SERBP1: variants seen among roughly 807,000 people sequenced by gnomAD.
SERBP1 encodes SERPINE1 mRNA-binding protein 1.
Under a neutral mutation model 50.2 loss-of-function variants are expected in SERBP1, and 6 were observed. The ratio of observed to expected loss-of-function variants is 0.12; its 90% confidence interval spans 0.07 to 0.24. SERBP1 has a LOEUF of 0.24. Ranked by LOEUF, SERBP1 falls within the 10% of genes least tolerant of loss-of-function variation. The pLI, the probability that SERBP1 is intolerant of heterozygous loss-of-function variation, is 1.00. For missense variants in SERBP1, 346 were observed against 524.9 expected (o/e 0.66, Z 3.33); for synonymous variants, 168 against 182.8 (o/e 0.92, Z 0.65).
intron 5 of SERBP1, among the ~76,000 whole-genome samples, chr1:67,422,659 C>A (rs58279318): frequency 6.6e-6 from 1 of 151,842 alleles, no homozygotes; most frequent in East Asian, 1.9e-4. Context: ...AAATAACTGG[C>A]AAAGTAAACA....
rs1666783163 is a variant in SERBP1 at position 67,410,253 on chromosome 1, TTGCAC to T, written c.*2949_*2953del. On this transcript the variant is annotated 3_prime_UTR_variant, in exon 8 of 8. Coordinates refer to ENST00000361219, the MANE Select transcript of SERBP1 (RefSeq NM_001018069.2). Reference sequence around the variant, plus strand: ...ACATGTTAGGTTGGTACAAAACCAATTGCACCAACCTAGTATTTTCGAAATCCAAT... The same window carrying T: ...ACATGTTAGGTTGGTACAAAACCAATCAACCTAGTATTTTCGAAATCCAAT... 6.6e-6 allele frequency: 1 copy of T among 152,202 alleles called. No individual in the cohort carries two copies. The highest frequency in any genetic ancestry group is 2.4e-5 in the African/African-American group (1 of 41,450). The allele number at this position is 152,202 out of a possible 1,614,324, so 9.4% of individuals were successfully genotyped here. A position where few individuals can be genotyped will look rare whatever the true frequency, so the allele number is the denominator to read the frequency against.
In SERBP1 at chr1:67,412,440, T is replaced by C. The variant is rs1666874174; in HGVS notation, c.*767A>G. 6.6e-6 allele frequency: 1 copy of C among 152,584 alleles called. No individual in the cohort carries two copies. Among genetic ancestry groups the C allele is most frequent in the Admixed American group, 6.5e-5 (1 of 15,282 alleles). The allele number at this position is 152,584 out of a possible 1,614,324, so 9.5% of individuals were successfully genotyped here. ...CTTTCACCAATTAAGATGTCTAGTTTAGATTTTAAAATGGGAAACTCAAGC... is the reference window on the plus strand; with the variant it reads ...CTTTCACCAATTAAGATGTCTAGTTCAGATTTTAAAATGGGAAACTCAAGC... On this transcript the variant is annotated 3_prime_UTR_variant, in exon 8 of 8. Coordinates refer to ENST00000361219, the MANE Select transcript of SERBP1 (RefSeq NM_001018069.2).
chr1:67,430,396 G>A lies in SERBP1; in HGVS notation c.-96C>T. 2 of 1,310,328 alleles carry A rather than the reference G, an allele frequency of 1.5e-6. No homozygotes were observed. The highest frequency in any genetic ancestry group is 2.5e-5 in the East Asian group (1 of 39,904). The allele number at this position is 1,310,328 out of a possible 1,614,324, so 81.2% of individuals were successfully genotyped here. ...GCTCTTCCCACAAGATGGCCGGGCC[G>A]AGAGAGGGGGGCCGTCTTCTCTTCC... is the stretch of plus-strand genomic sequence containing the variant. On this transcript the variant is annotated 5_prime_UTR_variant, in exon 1 of 8. Coordinates refer to ENST00000361219, the MANE Select transcript of SERBP1 (RefSeq NM_001018069.2).
intron 6 of SERBP1, among the ~76,000 whole-genome samples, chr1:67,418,597 AAAAAC>A (rs1438772932): frequency 6.6e-6 from 1 of 151,988 alleles, no homozygotes; most frequent in African/African-American, 2.4e-5. Flanking sequence ...CATCTCTACT[AAAAAC>A]ACAAACATTA....
Position 67,413,213 on chromosome 1 carries a change from C to T in SERBP1, c.1176G>A (p.Leu392=). Residue 392 remains leucine, a synonymous_variant, in exon 8 of 8, where the codon CTG becomes CTA. Coordinates refer to ENST00000361219, the MANE Select transcript of SERBP1 (RefSeq NM_001018069.2). ...GTTGTCTTATGGCATCCAGTTAAGC[C>T]AGAGCTGGGAATGCCTCTGGGTCAT... ...DVDDPEAFPA[L]A is the part of the protein sequence containing the mutation. 1 of 1,599,096 alleles carries T rather than the reference C, an allele frequency of 6.3e-7. No individual in the cohort carries two copies. The highest frequency in any genetic ancestry group is 1.1e-5 in the South Asian group (1 of 87,934).
intron 2 of SERBP1, among the ~76,000 whole-genome samples, 172 bp downstream of exon 2, chr1:67,425,963 A>T (rs1009144877): frequency 6.6e-6 from 1 of 152,188 alleles, no homozygotes; most frequent in African/African-American, 2.4e-5. Flanking sequence ...CTACAAAAAA[A>T]ATTAGCAGTG....
In SERBP1 at chr1:67,424,966, T is replaced by C; in HGVS notation, c.617A>G (p.His206Arg). ...HSGSDRSSFS[H>R]YSGLKHEDKR... ...GTCCTCGTGCTTCAGGCCACTGTAA[T>C]GTGAAAAAGAACTAACAAAACTGAG... The change falls in exon 4 of 8, where the codon CAT (histidine) becomes CGT (arginine). Residue 206 changes from histidine to arginine, a missense_variant. Around this residue, in one of 5 missense-constraint regions of SERBP1, gnomAD observed 257 missense variants for 331.2 expected, o/e 0.78. Transcript: ENST00000361219. The C allele has an allele frequency of 2.5e-6, 4 of 1,613,046 alleles. No homozygotes were observed. The highest frequency in any genetic ancestry group is 1.9e-4 in the Middle Eastern group (1 of 5,314).
chr1:67,421,602 C>T (rs573733883), intron 5 of SERBP1, among the ~76,000 whole-genome samples: 34 of 152,278 alleles, frequency 2.2e-4, no homozygotes, highest in Non-Finnish European at 3.2e-4. Flanking sequence ...TACATTAGTA[C>T]CTTTTGGTAA....
chr1:67,414,893 G>A (rs1472474177), intron 7 of SERBP1, among the ~76,000 whole-genome samples: 1 of 152,058 alleles, frequency 6.6e-6, no homozygotes, highest in Non-Finnish European at 1.5e-5. Context: ...ACAGTAACAA[G>A]AATTAAATGA....
chr1:67,414,391 G>A (rs1666937594), intron 7 of SERBP1, among the ~76,000 whole-genome samples: 1 of 151,988 alleles, frequency 6.6e-6, no homozygotes, highest in South Asian at 2.1e-4. Context: ...GGTCTTAGAG[G>A]GAGGAACAAA....
chr1:67,417,834 TGAG>T (rs895724730), intron 6 of SERBP1, among the ~76,000 whole-genome samples: 14 of 151,856 alleles, frequency 9.2e-5, no homozygotes, highest in Admixed American at 3.3e-4. Flanking sequence ...ACTCAGACAA[TGAG>T]GAGCAGAAAA....
At position 67,414,511 on chromosome 1, in the gene SERBP1, C is replaced by T. The variant is rs1666943715; in HGVS notation, c.1125+655G>A. ...GTAAGGTGTTGAGAATTTAGGAGGA[C>T]ATTATGGTTGTTTCCAAGCATCAGA... On this transcript the variant is annotated intron_variant, in intron 7 of 7. Transcript: ENST00000361219. Among the ~76,000 whole-genome samples, 3 of 152,294 alleles carry T rather than the reference C, an allele frequency of 2.0e-5. No individual in the cohort carries two copies. The South Asian group carries it at 6.2e-4, about 32-fold the overall frequency.
chr1:67,429,083 A>C (rs1557509449), intron 1 of SERBP1, among the ~76,000 whole-genome samples: 1 of 152,104 alleles, frequency 6.6e-6, no homozygotes, highest in Non-Finnish European at 1.5e-5. Flanking sequence ...CCGCCAGTGA[A>C]ACTCTGACCA....
intron 6 of SERBP1, 52 bp from the exon 7 acceptor site, chr1:67,415,391 A>C (rs1361022867): frequency 6.9e-7 from 1 of 1,450,036 alleles, no homozygotes; most frequent in African/African-American, 1.4e-5. Context: ...GTAACATTGC[A>C]AAATTTCTAA....
chr1:67,426,797 T>C (rs531389854), intron 1 of SERBP1, among the ~76,000 whole-genome samples: 3 of 152,178 alleles, frequency 2.0e-5, no homozygotes, highest in Non-Finnish European at 4.4e-5. Context: ...CGCACTATGT[T>C]ATTCTATCTA....
chr1:67,420,855 C>T (rs963907021), intron 5 of SERBP1, among the ~76,000 whole-genome samples: 3 of 152,152 alleles, frequency 2.0e-5, no homozygotes, highest in African/African-American at 7.2e-5. Context: ...AATACTAAAC[C>T]ATTTATTTCC....
chr1:67,430,323 C>T lies in SERBP1; in HGVS notation c.-23G>A. 6.7e-7 allele frequency: 1 copy of T among 1,493,616 alleles called. No individual in the cohort carries two copies. Among genetic ancestry groups the T allele is most frequent in the Non-Finnish European group, 8.9e-7 (1 of 1,122,996 alleles). The allele number at this position is 1,493,616 out of a possible 1,614,324, so 92.5% of individuals were successfully genotyped here. On this transcript the variant is annotated 5_prime_UTR_variant, in exon 1 of 8. Transcript: ENST00000361219. The stretch of plus-strand genomic sequence containing the variant: ...CATGATGGTGGCTCGGCGGCGCGTT[C>T]CTCCACGGATTGCAGCGGGCCGCGC...
At chr1:67,425,535 T>C (rs949218886) in intron 2 of SERBP1, among the ~76,000 whole-genome samples, 1 of 152,190 alleles carries the variant, frequency 6.6e-6, no homozygotes, top group Non-Finnish European at 1.5e-5. Flanking sequence ...ATTAAACACA[T>C]CTAACTTGCA....
rs1248772004 is a variant in SERBP1 at position 67,412,179 on chromosome 1, A to G, written c.*1028T>C. On this transcript the variant is annotated 3_prime_UTR_variant, in exon 8 of 8. Transcript: ENST00000361219. Reference sequence around the variant, plus strand: ...AGCGCCCTTTGGTTTTTGTTTTAGAACAAGGAAGGGTTAAATGGTGGCTGA... The same window carrying G: ...AGCGCCCTTTGGTTTTTGTTTTAGAGCAAGGAAGGGTTAAATGGTGGCTGA... 1 of 152,654 alleles carries G rather than the reference A, an allele frequency of 6.6e-6. No individual in the cohort carries two copies. The highest frequency in any genetic ancestry group is 1.5e-5 in the Non-Finnish European group (1 of 68,042). The allele number at this position is 152,654 out of a possible 1,614,324, so 9.5% of individuals were successfully genotyped here. A position where few individuals can be genotyped will look rare whatever the true frequency, so the allele number is the denominator to read the frequency against.
Sources: allele counts gnomAD v4.1 joint callset (sites outside exome capture counted in the v4.1 genomes callset), GRCh38; gene constraint gnomAD v4.1.1; regional missense constraint gnomAD v4.1.1; transcripts MANE v1.5; gene names NCBI Gene and HGNC (gene_info 2026-07-23, HGNC 2026-07-21).